The following ZBTB20 variants were observed in gnomAD, a reference collection of about 807,000 sequenced individuals.
The protein encoded by ZBTB20 is zinc finger and BTB domain containing 20, also known as zinc finger and BTB domain-containing protein 20.
Under a neutral mutation model 56.9 loss-of-function variants are expected in ZBTB20, and 9 were observed. That is an observed-to-expected ratio of 0.16 (90% CI 0.10 to 0.28). ZBTB20 has a LOEUF of 0.28. Ranked by LOEUF, ZBTB20 falls within the 10% of genes least tolerant of loss-of-function variation. The probability of loss-of-function intolerance (pLI) is 1.00; values close to 1 mark genes in which losing one functional copy is unlikely to be tolerated. For synonymous variants in ZBTB20, 417 were observed against 420.7 expected (o/e 0.99, Z 0.11); for missense variants, 655 against 1,003.0 (o/e 0.65, Z 4.69).
At chr3:114,404,896 C>T (rs538467390) in intron 7 of ZBTB20, among the ~76,000 whole-genome samples, 7 of 152,230 alleles carry the variant, frequency 4.6e-5, no homozygotes, top group East Asian at 3.9e-4. Context: ...ACACAACTCA[C>T]GACTAGCATA....
chr3:114,575,707 T>C (rs1239734100), intron 6 of ZBTB20, among the ~76,000 whole-genome samples: 1 of 152,190 alleles, frequency 6.6e-6, no homozygotes, highest in African/African-American at 2.4e-5. Context: ...ATGATTGCTA[T>C]ATATATTCAA....
chr3:115,110,667 T>C (rs1310803513), intron 1 of ZBTB20, among the ~76,000 whole-genome samples: 2 of 152,140 alleles, frequency 1.3e-5, no homozygotes, highest in Non-Finnish European at 2.9e-5. Context: ...AGTTTATCAG[T>C]TTATATCTCA....
intron 7 of ZBTB20, among the ~76,000 whole-genome samples, chr3:114,461,723 T>C (rs746542913): frequency 2.0e-5 from 3 of 152,240 alleles, no homozygotes; most frequent in Non-Finnish European, 4.4e-5. Context: ...AGCATCAGCA[T>C]TGCCTAGAAA....
intron 7 of ZBTB20, among the ~76,000 whole-genome samples, chr3:114,480,233 T>A (rs1473151732): frequency 6.6e-6 from 1 of 152,200 alleles, no homozygotes; most frequent in Non-Finnish European, 1.5e-5. Context: ...TTAAGTTGCA[T>A]AAAGCCTAGC....
At chr3:114,664,909 A>G (rs529376381) in intron 6 of ZBTB20, among the ~76,000 whole-genome samples, 2 of 152,232 alleles carry the variant, frequency 1.3e-5, no homozygotes, top group African/African-American at 4.8e-5. Flanking sequence ...AGGGTCTTGC[A>G]TATACATAGC....
At chr3:114,429,838 G>T (rs2089988465) in intron 7 of ZBTB20, among the ~76,000 whole-genome samples, 1 of 152,146 alleles carries the variant, frequency 6.6e-6, no homozygotes, top group Non-Finnish European at 1.5e-5. Flanking sequence ...ATGATTTAAA[G>T]TACACGGAAG....
Position 115,132,223 on chromosome 3 carries a change from T to C in ZBTB20, c.-703+14996A>G, listed in dbSNP as rs868632036. 2.0e-5 allele frequency among the ~76,000 whole-genome samples: 3 copies of C among 152,188 alleles called. No homozygotes were observed. In the East Asian group the frequency reaches 5.8e-4, roughly 29 times the overall value. ...ATGCATTTTAATATCTTTGTTTTCA[T>C]ATAGTTCCTGTACCTTTCTTGAAAA... is the stretch of plus-strand genomic sequence containing the variant. On this transcript the variant is annotated intron_variant, in intron 1 of 11. Transcript: ENST00000675478.
At chr3:114,586,335 C>G (rs1452148952) in intron 6 of ZBTB20, among the ~76,000 whole-genome samples, 1 of 152,138 alleles carries the variant, frequency 6.6e-6, no homozygotes, top group Non-Finnish European at 1.5e-5. Context: ...ACAAAGCAAG[C>G]CTGTGAGAGA....
At chr3:114,356,463 A>G (rs111454028) in intron 10 of ZBTB20, among the ~76,000 whole-genome samples, 2,125 of 152,308 alleles carry the variant, frequency 0.014, 56 homozygotes, top group African/African-American at 0.048. Context: ...AAGATGCTAC[A>G]GAGGGGGATG....
intron 2 of ZBTB20, among the ~76,000 whole-genome samples, chr3:115,034,012 T>A (rs1040153514): frequency 1.7e-4 from 26 of 151,906 alleles, no homozygotes; most frequent in Middle Eastern, 3.4e-3. Flanking sequence ...ATAATCTTGA[T>A]TAATGCAGAA....
chr3:114,730,603 T>A (rs926240507), intron 5 of ZBTB20, among the ~76,000 whole-genome samples: 1 of 152,170 alleles, frequency 6.6e-6, no homozygotes, highest in African/African-American at 2.4e-5. Flanking sequence ...GAGGTTCTCT[T>A]GAGCTCACAA....
intron 6 of ZBTB20, among the ~76,000 whole-genome samples, chr3:114,662,404 C>T (rs1366126504): frequency 2.8e-5 from 4 of 144,858 alleles, no homozygotes; most frequent in African/African-American, 1.0e-4. Context: ...ATTTATAGTC[C>T]TTTGGGTATA....
chr3:114,932,393 T>C (rs1019298376), intron 3 of ZBTB20, among the ~76,000 whole-genome samples: 2 of 152,248 alleles, frequency 1.3e-5, no homozygotes, highest in Non-Finnish European at 2.9e-5. Flanking sequence ...AGGTACATTC[T>C]GCCACTGCTG....
chr3:114,348,220 G>A (rs2080353125), intron 11 of ZBTB20, among the ~76,000 whole-genome samples: 1 of 152,118 alleles, frequency 6.6e-6, no homozygotes, highest in South Asian at 2.1e-4. Context: ...TATGTTTATG[G>A]ATCCAAGACC....
chr3:114,402,212 C>A (rs776271470), intron 7 of ZBTB20, among the ~76,000 whole-genome samples: 7 of 152,142 alleles, frequency 4.6e-5, no homozygotes, highest in Non-Finnish European at 1.0e-4. Context: ...CCTGGCTATG[C>A]TACATGCTCT....
chr3:114,985,931 T>C lies in ZBTB20; in HGVS notation c.-506-11515A>G, dbSNP rs1056701294. Among the ~76,000 whole-genome samples, 4 of 152,106 alleles carry C rather than the reference T, an allele frequency of 2.6e-5. 1 individual carries two copies. Among genetic ancestry groups the C allele is most frequent in the Admixed American group, 2.6e-4 (4 of 15,234 alleles). On this transcript the variant is annotated intron_variant, in intron 2 of 11. Transcript: ENST00000675478. ...TGCTACTATAGTCTGAAAGCAGCCA[T>C]AAGCAATAAACATATAAACAAATGA...
At chr3:114,389,887 C>CAAAA (rs34247337) in intron 7 of ZBTB20, among the ~76,000 whole-genome samples, 40 of 77,572 alleles carry the variant, frequency 5.2e-4, no homozygotes, top group African/African-American at 8.6e-4. Context: ...GAGTCCATCT[C>CAAAA]AAAAAAAAAA....
At chr3:114,829,819 T>C (rs2073749762) in intron 4 of ZBTB20, among the ~76,000 whole-genome samples, 1 of 151,882 alleles carries the variant, frequency 6.6e-6, no homozygotes, top group African/African-American at 2.4e-5. Flanking sequence ...TTCTTTCTAC[T>C]GCAAAGGTTT....
chr3:114,550,123 A>C (rs1318502468), intron 6 of ZBTB20, among the ~76,000 whole-genome samples: 1 of 152,012 alleles, frequency 6.6e-6, no homozygotes, highest in African/African-American at 2.4e-5. Context: ...TATTTTTAGT[A>C]GAGATGGGGT....
Sources: allele counts gnomAD v4.1 joint callset (sites outside exome capture counted in the v4.1 genomes callset), GRCh38; gene constraint gnomAD v4.1.1; transcripts MANE v1.5; gene names NCBI Gene and HGNC (gene_info 2026-07-23, HGNC 2026-07-21).